CNTNAP2: variants seen among roughly 807,000 people sequenced by gnomAD.
CNTNAP2 encodes contactin associated protein 2.
In CNTNAP2, 98 loss-of-function variants were observed where a neutral mutation model predicts 155.2. The observed-to-expected ratio is 0.63, with a 90% CI of 0.54 to 0.75. The LOEUF (loss-of-function observed/expected upper bound fraction) is 0.75, where lower values mean the gene tolerates loss of function less well. CNTNAP2 is among the 30% of genes least tolerant of loss of function. CNTNAP2 has a pLI of 0.00. For synonymous variants in CNTNAP2, 651 were observed against 631.2 expected (o/e 1.03, Z -0.47); for missense variants, 1,727 against 1,688.1 (o/e 1.02, Z -0.40).
intron 13 of CNTNAP2, among the ~76,000 whole-genome samples, chr7:147,733,998 G>A (rs370030418): frequency 2.6e-5 from 4 of 152,016 alleles, no homozygotes; most frequent in African/African-American, 4.8e-5. Context: ...CTAATTGAAT[G>A]CCCTTTATTT....
chr7:147,627,862 G>A (rs1238484566), intron 12 of CNTNAP2, among the ~76,000 whole-genome samples: 3 of 150,814 alleles, frequency 2.0e-5, no homozygotes, highest in Non-Finnish European at 4.4e-5. Context: ...CAATAGACTA[G>A]AACAAGTAAA....
intron 21 of CNTNAP2, among the ~76,000 whole-genome samples, chr7:148,345,758 T>A (rs1365027795): frequency 6.6e-6 from 1 of 152,140 alleles, no homozygotes; most frequent in Non-Finnish European, 1.5e-5. Context: ...TGGCTTTGGG[T>A]TGGATCTTCA....
intron 1 of CNTNAP2, among the ~76,000 whole-genome samples, chr7:146,638,553 C>T (rs950246397): frequency 4.0e-5 from 5 of 125,944 alleles, no homozygotes; most frequent in South Asian, 2.8e-4. Context: ...GGTTCGATTT[C>T]GGCTCACTGC....
intron 21 of CNTNAP2, among the ~76,000 whole-genome samples, chr7:148,361,106 C>T (rs1353748597): frequency 1.3e-5 from 2 of 152,288 alleles, no homozygotes; most frequent in South Asian, 4.1e-4. Context: ...CCATGCCCAG[C>T]CTAGAGTTGT....
chr7:147,468,234 G>A (rs148300365), intron 10 of CNTNAP2, among the ~76,000 whole-genome samples: 2,441 of 152,230 alleles, frequency 0.016, 71 homozygotes, highest in African/African-American at 0.055. Flanking sequence ...GCTTCAGTGA[G>A]CTATGATTGA....
At chr7:147,005,992 C>T (rs1246514595) in intron 3 of CNTNAP2, among the ~76,000 whole-genome samples, 1 of 151,852 alleles carries the variant, frequency 6.6e-6, no homozygotes, top group Non-Finnish European at 1.5e-5. Context: ...TTTTCTTCTA[C>T]TCATCATAGA....
At chr7:147,814,992 G>A (rs977591058) in intron 13 of CNTNAP2, among the ~76,000 whole-genome samples, 25 of 152,138 alleles carry the variant, frequency 1.6e-4, no homozygotes, top group Admixed American at 1.6e-3. Context: ...CTACGTTTTA[G>A]GGACAAGGTT....
intron 1 of CNTNAP2, among the ~76,000 whole-genome samples, chr7:146,469,260 C>G (rs149282513): frequency 6.2e-4 from 94 of 152,136 alleles, no homozygotes; most frequent in Non-Finnish European, 1.2e-3. Flanking sequence ...AATCCAGCTG[C>G]CTTCCCCTCC....
At chr7:147,595,445 A>G (rs7796991) in intron 12 of CNTNAP2, among the ~76,000 whole-genome samples, 104,188 of 152,152 alleles carry the variant, frequency 0.68, 36,157 homozygotes, top group African/African-American at 0.78. Context: ...TACTCTATCC[A>G]ACATGTAACT....
At chr7:146,904,430 T>C (rs140137119) in intron 3 of CNTNAP2, among the ~76,000 whole-genome samples, 315 of 152,320 alleles carry the variant, frequency 2.1e-3, no homozygotes, top group Admixed American at 7.3e-3. Context: ...CAGGTATTTA[T>C]TGAGAAGACA....
intron 22 of CNTNAP2, chr7:148,389,900 G>A (rs1027995861): frequency 6.6e-6 from 1 of 152,080 alleles, no homozygotes; most frequent in Non-Finnish European, 1.5e-5. Flanking sequence ...CCAATATCTA[G>A]TACTAAACCC....
intron 13 of CNTNAP2, among the ~76,000 whole-genome samples, chr7:147,902,334 G>A (rs1176738562): frequency 2.0e-5 from 3 of 152,102 alleles, no homozygotes; most frequent in Non-Finnish European, 4.4e-5. Flanking sequence ...GTAAAATTGT[G>A]ATATATACTT....
intron 10 of CNTNAP2, among the ~76,000 whole-genome samples, chr7:147,419,190 G>C (rs1042428115): frequency 6.6e-6 from 1 of 152,112 alleles, no homozygotes; most frequent in Non-Finnish European, 1.5e-5. Flanking sequence ...TTGTTTCCCA[G>C]GGAGGAGAAT....
intron 4 of CNTNAP2, among the ~76,000 whole-genome samples, chr7:147,101,183 A>G (rs1226700093): frequency 6.6e-6 from 1 of 152,328 alleles, no homozygotes; most frequent in Non-Finnish European, 1.5e-5. Flanking sequence ...GGAAGGCAGG[A>G]GCTATATCAT....
intron 10 of CNTNAP2, among the ~76,000 whole-genome samples, chr7:147,474,420 C>A (rs1004435923): frequency 5.0e-4 from 76 of 152,184 alleles, no homozygotes; most frequent in African/African-American, 1.7e-3. Context: ...CATGGTGAAA[C>A]CCCGTCTCTA....
intron 2 of CNTNAP2, among the ~76,000 whole-genome samples, chr7:146,796,323 G>A (rs1257376376): frequency 2.6e-5 from 4 of 152,184 alleles, no homozygotes; most frequent in African/African-American, 9.6e-5. Flanking sequence ...GCAAGGACAT[G>A]AGAACGACCG....
intron 1 of CNTNAP2, among the ~76,000 whole-genome samples, chr7:146,290,480 G>A (rs1220762334): frequency 6.6e-6 from 1 of 152,186 alleles, no homozygotes; most frequent in African/African-American, 2.4e-5. Context: ...CTGAAGCACA[G>A]CAAAGCTGTT....
chr7:147,680,111 T>C (rs768059108), intron 13 of CNTNAP2, among the ~76,000 whole-genome samples: 3 of 151,980 alleles, frequency 2.0e-5, no homozygotes. Context: ...AAGGGCAATA[T>C]GGATATTTTA....
At chr7:147,406,823 G>T (rs2116478631) in intron 10 of CNTNAP2, among the ~76,000 whole-genome samples, 1 of 152,172 alleles carries the variant, frequency 6.6e-6, no homozygotes, top group African/African-American at 2.4e-5. Context: ...ATCTGAAAAG[G>T]GTGTCTTAAT....
Sources: gnomAD v4.1 joint callset for allele counts (sites outside exome capture counted in the v4.1 genomes callset) on GRCh38, gnomAD v4.1.1 for gene constraint, MANE v1.5 for transcripts, NCBI Gene and HGNC (gene_info 2026-07-23, HGNC 2026-07-21) for gene names.